CPQ: variants seen among roughly 807,000 people sequenced by gnomAD.
The protein encoded by CPQ is Ser-Met dipeptidase.
Under a neutral mutation model 45.7 loss-of-function variants are expected in CPQ, and 37 were observed. The ratio of observed to expected loss-of-function variants is 0.81; its 90% CI spans 0.62 to 1.07. The LOEUF is 1.07. Ranked by LOEUF, CPQ falls within the 50% of genes least tolerant of loss-of-function variation. CPQ has a pLI of 0.00. For missense variants in CPQ, 537 were observed against 572.9 expected, an observed-to-expected ratio of 0.94 and a Z score of 0.64; for synonymous variants, 186 against 205.8, an observed-to-expected ratio of 0.90 and a Z score of 0.82.
intron 1 of CPQ, among the ~76,000 whole-genome samples, chr8:96,758,377 G>GACTC (rs1810353672): frequency 2.0e-5 from 3 of 152,174 alleles, no homozygotes; most frequent in Non-Finnish European, 4.4e-5. Flanking sequence ...GACCAGAATG[G>GACTC]AAGGAAGCAC....
At chr8:96,959,482 A>ATT (rs1462266268) in intron 4 of CPQ, among the ~76,000 whole-genome samples, 2 of 151,606 alleles carry the variant, frequency 1.3e-5, no homozygotes, top group African/African-American at 4.8e-5. Context: ...CCTGTTAGTC[A>ATT]TTTTTTTTAA....
chr8:97,073,083 TTG>T (rs918287803), intron 7 of CPQ, among the ~76,000 whole-genome samples: 1 of 152,220 alleles, frequency 6.6e-6, no homozygotes, highest in Non-Finnish European at 1.5e-5. Flanking sequence ...TCATTGCATA[TTG>T]TGTTGTTTTA....
intron 1 of CPQ, among the ~76,000 whole-genome samples, chr8:96,704,224 A>G (rs891006290): frequency 2.6e-5 from 4 of 152,020 alleles, no homozygotes; most frequent in African/African-American, 9.7e-5. Context: ...TTATCTCCAT[A>G]TTATGTGAAA....
At chr8:96,679,634 C>T (rs980072179) in intron 1 of CPQ, among the ~76,000 whole-genome samples, 3 of 151,980 alleles carry the variant, frequency 2.0e-5, no homozygotes, top group African/African-American at 7.2e-5. Context: ...CTTCCTGGCT[C>T]ATTCTTTGTA....
At chr8:96,858,480 C>A (rs568964457) in intron 3 of CPQ, among the ~76,000 whole-genome samples, 163 of 152,252 alleles carry the variant, frequency 1.1e-3, no homozygotes, top group Non-Finnish European at 1.5e-3. Context: ...GTTTTCCCTA[C>A]CCAACTGAAA....
chr8:96,670,287 G>A (rs1808983693), intron 1 of CPQ, among the ~76,000 whole-genome samples: 1 of 151,388 alleles, frequency 6.6e-6, no homozygotes, highest in Admixed American at 6.6e-5. Flanking sequence ...CCTAGGCTAG[G>A]AACATGTGTA....
Position 97,013,880 on chromosome 8 carries a change from T to C in CPQ, c.962-15523T>C, listed in dbSNP as rs569324565. On this transcript the variant is annotated intron_variant, in intron 5 of 7. Coordinates refer to ENST00000220763, the MANE Select transcript of CPQ (RefSeq NM_016134.4). ...TATATAGAAAAAGATGTATTCTTTATATAGAAAAAGAAATATATTTTACTA... is the reference window on the plus strand; with the variant it reads ...TATATAGAAAAAGATGTATTCTTTACATAGAAAAAGAAATATATTTTACTA... 7.2e-5 allele frequency among the ~76,000 whole-genome samples: 11 copies of C among 152,352 alleles called. No individual in the cohort carries two copies. In the East Asian group the frequency reaches 1.5e-3, roughly 21 times the overall value.
chr8:96,735,796 C>T (rs989045686), intron 1 of CPQ, among the ~76,000 whole-genome samples: 1 of 152,138 alleles, frequency 6.6e-6, no homozygotes, highest in Non-Finnish European at 1.5e-5. Context: ...CCCAATTAGC[C>T]AGGGTATTCT....
intron 4 of CPQ, among the ~76,000 whole-genome samples, chr8:96,901,151 T>C (rs1040117959): frequency 6.6e-6 from 1 of 152,186 alleles, no homozygotes; most frequent in Non-Finnish European, 1.5e-5. Flanking sequence ...CATAGCCTTT[T>C]CCGGTGTAGT....
chr8:96,775,594 C>G (rs182400584), intron 1 of CPQ, among the ~76,000 whole-genome samples: 1 of 152,274 alleles, frequency 6.6e-6, no homozygotes, highest in Non-Finnish European at 1.5e-5. Context: ...TCTTGATATA[C>G]AAGATAGTTG....
intron 4 of CPQ, among the ~76,000 whole-genome samples, chr8:96,956,071 A>G (rs190165869): frequency 9.8e-4 from 150 of 152,332 alleles, no homozygotes; most frequent in Non-Finnish European, 1.6e-3. Context: ...AGAAACTACC[A>G]TCAGAGTGAA....
intron 2 of CPQ, among the ~76,000 whole-genome samples, chr8:96,802,497 T>A (rs1180754216): frequency 6.6e-6 from 1 of 152,206 alleles, no homozygotes; most frequent in African/African-American, 2.4e-5. Flanking sequence ...CTTTGATTTC[T>A]CCAGGAGAGC....
At chr8:97,075,513 G>A (rs1048534290) in intron 7 of CPQ, among the ~76,000 whole-genome samples, 2 of 152,142 alleles carry the variant, frequency 1.3e-5, no homozygotes, top group Non-Finnish European at 2.9e-5. Context: ...ACTGATTTTG[G>A]TTAGCTTAAT....
At position 97,123,002 on chromosome 8, in the gene CPQ, TATAAAATA is replaced by T. The variant is rs1563587012; in HGVS notation, c.1256-20016_1256-20009del. On this transcript the variant is annotated intron_variant, in intron 7 of 7. Coordinates refer to ENST00000220763, the MANE Select transcript of CPQ (RefSeq NM_016134.4). Reference sequence around the variant, plus strand: ...AAAATTAAAATAAAATAAAATAAAATATAAAATAAAATAAAATAAAATAAATAAAATAA... The same window carrying T: ...AAAATTAAAATAAAATAAAATAAAATAAATAAAATAAAATAAATAAAATAA... 2.0e-4 allele frequency among the ~76,000 whole-genome samples: 3 copies of T among 15,220 alleles called. 1 individual carries two copies. The highest frequency in any genetic ancestry group is 1.1e-3 in the African/African-American group (3 of 2,768). 10.0% of individuals were successfully genotyped at this position (15,220 alleles called of 152,430 possible).
At chr8:96,794,680 T>G (rs1032643892) in intron 2 of CPQ, among the ~76,000 whole-genome samples, 2 of 152,214 alleles carry the variant, frequency 1.3e-5, no homozygotes, top group Non-Finnish European at 1.5e-5. Flanking sequence ...TATGCTCTGC[T>G]TCCCTTATAA....
At chr8:97,001,524 C>T (rs1400076745) in intron 5 of CPQ, among the ~76,000 whole-genome samples, 1 of 152,038 alleles carries the variant, frequency 6.6e-6, no homozygotes, top group African/African-American at 2.4e-5. Flanking sequence ...GACGTTAGCT[C>T]TGTTTATGTG....
In CPQ at chr8:96,897,688, C is replaced by T. The variant is rs535533797; in HGVS notation, c.849+17683C>T. ...ACTTGGTCCCATCCTCATGATATCT[C>T]ATTATGTATATGCAAATATTCCAAA... On this transcript the variant is annotated intron_variant, in intron 4 of 7. Coordinates refer to ENST00000220763, the MANE Select transcript of CPQ (RefSeq NM_016134.4). Among the ~76,000 whole-genome samples the T allele has an allele frequency of 1.4e-4, 21 of 152,288 alleles. No individual in the cohort carries two copies. The South Asian group carries it at 4.1e-3, about 30-fold the overall frequency.
chr8:96,806,981 A>T (rs552695601), intron 2 of CPQ, among the ~76,000 whole-genome samples: 12 of 152,222 alleles, frequency 7.9e-5, no homozygotes, highest in Non-Finnish European at 1.3e-4. Flanking sequence ...TTATGTACCC[A>T]CAAAAATTAA....
At chr8:96,705,830 G>T (rs1809524170) in intron 1 of CPQ, among the ~76,000 whole-genome samples, 1 of 152,000 alleles carries the variant, frequency 6.6e-6, no homozygotes, top group African/African-American at 2.4e-5. Context: ...TTAACATTTT[G>T]TACAGTTATC....
Sources: allele counts gnomAD v4.1 joint callset (sites outside exome capture counted in the v4.1 genomes callset), GRCh38; gene constraint gnomAD v4.1.1; transcripts MANE v1.5; gene names NCBI Gene and HGNC (gene_info 2026-07-23, HGNC 2026-07-21).